The following RUNX1 variants were observed in gnomAD, a reference collection of about 807,000 sequenced individuals.
RUNX1 encodes runt-related transcription factor 1.
In RUNX1, 19 loss-of-function variants were observed where a neutral mutation model predicts 42.8. The observed-to-expected ratio is 0.44, with a 90% CI of 0.31 to 0.65. RUNX1 has a LOEUF of 0.65. RUNX1 is among the 30% of genes least tolerant of loss of function. The probability of loss-of-function intolerance (pLI) is 0.07; values close to 1 mark genes in which losing one functional copy is unlikely to be tolerated. For synonymous variants in RUNX1, 271 were observed against 289.4 expected (o/e 0.94, Z 0.64); for missense variants, 528 against 672.0 (o/e 0.79, Z 2.37).
intron 2 of RUNX1, among the ~76,000 whole-genome samples, chr21:35,038,097 T>C (rs1040828021): frequency 1.3e-5 from 2 of 152,122 alleles, no homozygotes; most frequent in African/African-American, 4.8e-5. Context: ...ACATATTGTC[T>C]CAAATCCTCT....
chr21:34,982,742 G>A (rs914403061), intron 2 of RUNX1, among the ~76,000 whole-genome samples: 7 of 152,002 alleles, frequency 4.6e-5, no homozygotes, highest in Admixed American at 1.3e-4. Flanking sequence ...GCTAATTTTT[G>A]TATTTTTAGT....
intron 2 of RUNX1, among the ~76,000 whole-genome samples, chr21:34,972,133 T>C (rs910836109): frequency 6.6e-5 from 10 of 152,236 alleles, no homozygotes; most frequent in Non-Finnish European, 2.9e-5. Context: ...AGCTCATTTT[T>C]ACCAGAAAAA....
intron 7 of RUNX1, among the ~76,000 whole-genome samples, chr21:34,805,408 C>A (rs1365495380): frequency 6.6e-6 from 1 of 152,132 alleles, no homozygotes; most frequent in Non-Finnish European, 1.5e-5. Flanking sequence ...CAAATCTACA[C>A]CCAGGCATAT....
chr21:34,985,583 T>C (rs2058879729), intron 2 of RUNX1, among the ~76,000 whole-genome samples: 1 of 152,202 alleles, frequency 6.6e-6, no homozygotes, highest in African/African-American at 2.4e-5. Flanking sequence ...CCAATCCCTA[T>C]ACTGACCCCT....
intron 2 of RUNX1, among the ~76,000 whole-genome samples, chr21:35,016,528 A>G (rs1238792519): frequency 6.6e-6 from 1 of 152,170 alleles, no homozygotes; most frequent in African/African-American, 2.4e-5. Context: ...TTGGAGGAGG[A>G]AGAAGCAGCA....
At chr21:34,837,803 C>T (rs2834650) in intron 6 of RUNX1, among the ~76,000 whole-genome samples, 10,222 of 152,260 alleles carry the variant, frequency 0.067, 504 homozygotes, top group Non-Finnish European at 0.1. Flanking sequence ...TGAATGTTTA[C>T]AGGGCGGTGC....
intron 2 of RUNX1, among the ~76,000 whole-genome samples, chr21:35,027,058 T>C (rs1488173800): frequency 6.6e-6 from 1 of 152,160 alleles, no homozygotes; most frequent in Non-Finnish European, 1.5e-5. Context: ...GGACGGGGTC[T>C]GTGTCAAGAG....
chr21:34,880,487 A>C (rs2057881355), intron 5 of RUNX1, 70 bp downstream of exon 5: 1 of 1,438,672 alleles, frequency 7.0e-7, no homozygotes, highest in African/African-American at 1.4e-5. Context: ...CACAGAAATC[A>C]CTAGAATTTT....
At chr21:34,880,864 C>T in intron 4 of RUNX1, 151 bp from the exon 5 acceptor site, 1 of 833,218 alleles carries the variant, frequency 1.2e-6, no homozygotes, top group Non-Finnish European at 1.9e-6. Context: ...TTAAGCAAAA[C>T]AACAGAAAAG....
intron 7 of RUNX1, among the ~76,000 whole-genome samples, chr21:34,828,841 G>A (rs1240217435): frequency 6.6e-6 from 1 of 152,076 alleles, no homozygotes; most frequent in Non-Finnish European, 1.5e-5. Context: ...CCTTGCTCTT[G>A]GACTTCCCAG....
chr21:35,005,129 T>G (rs1361896239), intron 2 of RUNX1, among the ~76,000 whole-genome samples: 2 of 140,346 alleles, frequency 1.4e-5, no homozygotes, highest in Non-Finnish European at 3.0e-5. Flanking sequence ...AGAAATCATG[T>G]TTTTTTTTTT....
chr21:35,047,549 A>ACTCTCTCTCTCTCT (rs1262198638), intron 2 of RUNX1, among the ~76,000 whole-genome samples: 56 of 107,662 alleles, frequency 5.2e-4, no homozygotes, highest in East Asian at 4.9e-3. Flanking sequence ...ACACACACAC[A>ACTCTCTCTCTCTCT]CACACACACA....
At chr21:34,796,715 A>G (rs575153803) in intron 8 of RUNX1, among the ~76,000 whole-genome samples, 1 of 152,320 alleles carries the variant, frequency 6.6e-6, no homozygotes, top group South Asian at 2.1e-4. Flanking sequence ...TGAGCAGGTA[A>G]TGGCTGCCTT....
At chr21:34,925,970 T>G (rs996499778) in intron 2 of RUNX1, among the ~76,000 whole-genome samples, 3 of 152,150 alleles carry the variant, frequency 2.0e-5, no homozygotes, top group African/African-American at 7.2e-5. Context: ...AAAGCTGTGC[T>G]TCTCTGTCAC....
At chr21:34,858,074 C>T (rs1457975790) in intron 6 of RUNX1, among the ~76,000 whole-genome samples, 1 of 152,236 alleles carries the variant, frequency 6.6e-6, no homozygotes, top group East Asian at 1.9e-4. Context: ...AGACGAGGAA[C>T]ACCATATCCT....
At chr21:34,842,808 C>T (rs1027160919) in intron 6 of RUNX1, among the ~76,000 whole-genome samples, 1 of 152,078 alleles carries the variant, frequency 6.6e-6, no homozygotes, top group South Asian at 2.1e-4. Context: ...GTGGCTCATG[C>T]CTGTAATCCC....
intron 7 of RUNX1, among the ~76,000 whole-genome samples, chr21:34,823,818 G>T (rs996046152): frequency 6.6e-6 from 1 of 152,022 alleles, no homozygotes; most frequent in South Asian, 2.1e-4. Flanking sequence ...GGTCAGAATC[G>T]CCATCTCCTC....
chr21:34,882,034 T>G (rs1402437880), intron 4 of RUNX1, among the ~76,000 whole-genome samples: 1 of 152,248 alleles, frequency 6.6e-6, no homozygotes, highest in Non-Finnish European at 1.5e-5. Context: ...GTTTTTGAAT[T>G]GGTAACAGTA....
At chr21:34,962,307 G>C (rs2058687204) in intron 2 of RUNX1, among the ~76,000 whole-genome samples, 2 of 152,216 alleles carry the variant, frequency 1.3e-5, no homozygotes, top group Admixed American at 1.3e-4. Context: ...AGAAGAGGCT[G>C]TGTTTCGCCT....
Sources: allele counts gnomAD v4.1 joint callset (sites outside exome capture counted in the v4.1 genomes callset), GRCh38; gene constraint gnomAD v4.1.1; transcripts MANE v1.5; gene names NCBI Gene and HGNC (gene_info 2026-07-23, HGNC 2026-07-21).